Variants in DLGAP2 observed in about 807,000 individuals in gnomAD.
DLGAP2 encodes the protein DLG associated protein 2.
DLGAP2 carries 26 observed loss-of-function variants against 100.3 expected under a neutral mutation model. The observed-to-expected ratio is 0.26, with a 90% CI of 0.19 to 0.36. The LOEUF is 0.36. Ranked by LOEUF, DLGAP2 falls within the 10% of genes least tolerant of loss-of-function variation. The pLI is 1.00. For missense variants in DLGAP2, 1,858 were observed against 1,453.2 expected (o/e 1.28, Z -4.53); for synonymous variants, 886 against 630.1 (o/e 1.41, Z -6.08).
chr8:1,051,371 C>A (rs908912561), intron 2 of DLGAP2, among the ~76,000 whole-genome samples: 2 of 152,112 alleles, frequency 1.3e-5, no homozygotes, highest in Non-Finnish European at 2.9e-5. Context: ...GATCGTTTTA[C>A]CCTCAGATGC....
intron 1 of DLGAP2, among the ~76,000 whole-genome samples, chr8:817,194 G>A (rs1275610472): frequency 6.6e-6 from 1 of 151,478 alleles, no homozygotes; most frequent in Non-Finnish European, 1.5e-5. Flanking sequence ...GATGGGCTGG[G>A]TTAATTTGAA....
At chr8:1,366,554 G>A (rs1011776443) in intron 3 of DLGAP2, among the ~76,000 whole-genome samples, 1 of 152,202 alleles carries the variant, frequency 6.6e-6, no homozygotes, top group Admixed American at 6.5e-5. Context: ...ACAAGGCAGA[G>A]GTGTGAGGGG....
chr8:1,196,867 A>G (rs1797762840), intron 2 of DLGAP2, among the ~76,000 whole-genome samples: 1 of 152,140 alleles, frequency 6.6e-6, no homozygotes, highest in East Asian at 1.9e-4. Context: ...GACAGGATAT[A>G]TACAGACAGG....
chr8:1,119,084 G>A lies in DLGAP2; in HGVS notation c.74-139767G>A, dbSNP rs539346070. ...ACTATTTTCCTACTACTTTATAACC[G>A]ATTCTATTTTCAATTGATAAGTGAT... On this transcript the variant is annotated intron_variant, in intron 2 of 14. Coordinates refer to ENST00000637795, the MANE Select transcript of DLGAP2 (RefSeq NM_001346810.2). Among the ~76,000 whole-genome samples the A allele has an allele frequency of 5.6e-4, 85 of 152,184 alleles. 2 individuals are homozygous for A. In the South Asian group the frequency reaches 0.016, roughly 29 times the overall value.
At chr8:828,964 A>G (rs2132698170) in intron 1 of DLGAP2, among the ~76,000 whole-genome samples, 1 of 152,282 alleles carries the variant, frequency 6.6e-6, no homozygotes, top group South Asian at 2.1e-4. Flanking sequence ...TTTTATTTCT[A>G]CTGGGTAATG....
chr8:1,254,471 C>T (rs540330128), intron 2 of DLGAP2, among the ~76,000 whole-genome samples: 18 of 152,170 alleles, frequency 1.2e-4, no homozygotes, highest in Non-Finnish European at 2.2e-4. Flanking sequence ...GCTTCTATGT[C>T]GTGGGCCTCC....
intron 14 of DLGAP2, among the ~76,000 whole-genome samples, chr8:1,699,943 C>G (rs889879512): frequency 6.6e-6 from 1 of 152,190 alleles, no homozygotes; most frequent in Non-Finnish European, 1.5e-5. Flanking sequence ...CTTGGCATCC[C>G]CTGAACTATG....
chr8:1,087,738 A>G (rs1258671176), intron 2 of DLGAP2, among the ~76,000 whole-genome samples: 2 of 152,040 alleles, frequency 1.3e-5, no homozygotes. Context: ...GGACATTCTC[A>G]CCTTGATGAT....
At chr8:782,569 T>C (rs1415413652) in intron 1 of DLGAP2, among the ~76,000 whole-genome samples, 1 of 152,196 alleles carries the variant, frequency 6.6e-6, no homozygotes, top group Non-Finnish European at 1.5e-5. Flanking sequence ...ATAGTAAGAA[T>C]TGAAAAGCAA....
chr8:1,565,130 G>C (rs1397866278), intron 5 of DLGAP2, among the ~76,000 whole-genome samples: 1 of 152,200 alleles, frequency 6.6e-6, no homozygotes, highest in Admixed American at 6.5e-5. Flanking sequence ...ACAGGTGCTT[G>C]GTGATATGTC....
rs529733675 is a variant in DLGAP2 at position 1,598,471 on chromosome 8, T to G, written c.1443-28269T>G. On this transcript the variant is annotated intron_variant, in intron 6 of 14. Transcript: ENST00000637795. Reference sequence around the variant, plus strand: ...CTCCTCTTTGTACCTCTGGTAGAATTTGGCTGTGAATCCATCTGATCCTGG... The same window carrying G: ...CTCCTCTTTGTACCTCTGGTAGAATGTGGCTGTGAATCCATCTGATCCTGG... Among the ~76,000 whole-genome samples, 3 of 152,354 alleles carry G rather than the reference T, an allele frequency of 2.0e-5. No homozygotes were observed. The South Asian group carries it at 6.2e-4, about 32-fold the overall frequency.
At chr8:1,683,954 G>GTATATATATATATATATATATA (rs59220880) in intron 12 of DLGAP2, among the ~76,000 whole-genome samples, 3 of 74,734 alleles carry the variant, frequency 4.0e-5, no homozygotes, top group Admixed American at 3.5e-4. Flanking sequence ...ATATATGTGT[G>GTATATATATATATATATATATA]TATATATATA....
chr8:927,912 C>T (rs1798853994), intron 2 of DLGAP2, among the ~76,000 whole-genome samples: 1 of 152,182 alleles, frequency 6.6e-6, no homozygotes, highest in Non-Finnish European at 1.5e-5. Flanking sequence ...CACAAGTTCC[C>T]CTGAAGGGGC....
At chr8:1,316,141 A>T (rs1285863017) in intron 3 of DLGAP2, among the ~76,000 whole-genome samples, 1 of 124,642 alleles carries the variant, frequency 8.0e-6, no homozygotes, top group East Asian at 2.3e-4. Flanking sequence ...GTGCGAGTGC[A>T]GCGTCTCCCC....
chr8:788,503 G>C (rs1410540723), intron 1 of DLGAP2, among the ~76,000 whole-genome samples: 1 of 152,228 alleles, frequency 6.6e-6, no homozygotes, highest in Non-Finnish European at 1.5e-5. Flanking sequence ...CACCATCCCA[G>C]GTAGTGTCCA....
chr8:1,372,044 G>A (rs192506164), intron 3 of DLGAP2, among the ~76,000 whole-genome samples: 155 of 152,308 alleles, frequency 1.0e-3, no homozygotes, highest in African/African-American at 3.5e-3. Flanking sequence ...TGCAGGTGGG[G>A]GGCCTGAGGC....
Position 1,091,894 on chromosome 8 carries a change from A to G in DLGAP2, c.74-166957A>G, listed in dbSNP as rs908666406. Among the ~76,000 whole-genome samples the G allele has an allele frequency of 2.0e-4, 30 of 151,856 alleles. 1 individual carries two copies. Among genetic ancestry groups the G allele is most frequent in the Non-Finnish European group, 5.9e-5 (4 of 68,008 alleles). On this transcript the variant is annotated intron_variant, in intron 2 of 14. Transcript: ENST00000637795. ...CTCGTTCTGCTTTTCCTCTTCTCTA[A>G]CGCACAGCTCCCCACATCCCAGGCT...
At chr8:1,330,117 C>G (rs957060499) in intron 3 of DLGAP2, among the ~76,000 whole-genome samples, 6 of 152,184 alleles carry the variant, frequency 3.9e-5, no homozygotes, top group Non-Finnish European at 7.3e-5. Context: ...CTTGCCCCTG[C>G]GAGAGGTGTG....
At chr8:957,941 A>G (rs748450338) in intron 2 of DLGAP2, among the ~76,000 whole-genome samples, 5 of 152,196 alleles carry the variant, frequency 3.3e-5, no homozygotes, top group Non-Finnish European at 7.3e-5. Flanking sequence ...ATTCAGTGAC[A>G]TACAATACGT....
Sources: allele counts gnomAD v4.1 joint callset (sites outside exome capture counted in the v4.1 genomes callset), GRCh38; gene constraint gnomAD v4.1.1; transcripts MANE v1.5; gene names NCBI Gene and HGNC (gene_info 2026-07-23, HGNC 2026-07-21).